SERPINB11: variants seen among roughly 807,000 people sequenced by gnomAD.
The protein encoded by SERPINB11 is serpin B11.
Under a neutral mutation model 36.7 loss-of-function variants are expected in SERPINB11, and 32 were observed. That is an observed-to-expected ratio of 0.87 (90% CI 0.66 to 1.17). SERPINB11 has a LOEUF of 1.17. Ranked by LOEUF, SERPINB11 falls within the 50% of genes most tolerant of loss-of-function variation. The pLI is 0.00. For missense variants in SERPINB11, 528 were observed against 458.4 expected (o/e 1.15, Z -1.39); for synonymous variants, 174 against 168.1 (o/e 1.04, Z -0.27).
intron 1 of SERPINB11, among the ~76,000 whole-genome samples, chr18:63,708,449 T>C (rs6567383): frequency 0.43 from 64,739 of 151,916 alleles, 14,781 homozygotes; most frequent in Non-Finnish European, 0.53. Context: ...TTTCCAAAGA[T>C]GGGGAAAACA....
intron 1 of SERPINB11, chr18:63,705,903 T>C (rs1914360670): frequency 6.6e-6 from 1 of 152,224 alleles, no homozygotes; most frequent in Admixed American, 6.5e-5. Flanking sequence ...CTTTCATTAT[T>C]AAAGTAACTA....
At chr18:63,711,833 A>G (rs1177726944) in intron 3 of SERPINB11, among the ~76,000 whole-genome samples, 2 of 152,278 alleles carry the variant, frequency 1.3e-5, no homozygotes, top group Admixed American at 1.3e-4. Flanking sequence ...CAGTAGAAGG[A>G]TTCATTTTGA....
At chr18:63,703,818 A>G (rs531380873) in intron 1 of SERPINB11, among the ~76,000 whole-genome samples, 1 of 152,242 alleles carries the variant, frequency 6.6e-6, no homozygotes, top group Non-Finnish European at 1.5e-5. Flanking sequence ...TTCAGATAAG[A>G]TAAGATGTGT....
At position 63,723,147 on chromosome 18, in the gene SERPINB11, C is replaced by G. The variant is rs117415609; in HGVS notation, c.927C>G (p.Leu309=). 12,558 of 1,611,452 alleles carry G rather than the reference C, an allele frequency of 7.8e-3. 82 individuals are homozygous for G. The highest frequency in any genetic ancestry group is 0.014 in the Middle Eastern group (82 of 6,058). ...TAAAATCTCTAGGGGTGACAGATCT[C>G]TTCAACCAGGTCAAAGCTGATCTTT... ...SLLKSLGVTD[L]FNQVKADLSG... Residue 309 remains leucine (L), a synonymous_variant, in exon 8 of 8, where the codon CTC becomes CTG. Coordinates refer to ENST00000544088, the MANE Select transcript of SERPINB11 (RefSeq NM_001370475.1).
chr18:63,702,751 C>T (rs772729065), upstream of SERPINB11: 1 of 152,074 alleles, frequency 6.6e-6, no homozygotes. Flanking sequence ...CCTCAAGTAA[C>T]CCTCCCACCT....
intron 2 of SERPINB11, among the ~76,000 whole-genome samples, chr18:63,710,706 T>C (rs1280354821): frequency 4.6e-5 from 7 of 152,202 alleles, no homozygotes; most frequent in East Asian, 1.9e-4. Flanking sequence ...ATAAACATAA[T>C]GCTATTTTAG....
intron 1 of SERPINB11, among the ~76,000 whole-genome samples, chr18:63,703,434 TCA>T (rs1238625437): frequency 1.3e-5 from 2 of 152,240 alleles, no homozygotes; most frequent in African/African-American, 4.8e-5. Context: ...TTTCTGCCTC[TCA>T]GTTTCCTCTT....
intron 5 of SERPINB11, among the ~76,000 whole-genome samples, chr18:63,718,584 T>C (rs1443129928): frequency 6.6e-6 from 1 of 152,088 alleles, no homozygotes; most frequent in Admixed American, 6.6e-5. Context: ...GTTGTTGATG[T>C]ATAAGTATAT....
intron 5 of SERPINB11, among the ~76,000 whole-genome samples, chr18:63,717,976 AT>A (rs1914711994): frequency 6.6e-6 from 1 of 152,016 alleles, no homozygotes; most frequent in African/African-American, 2.4e-5. Context: ...TTATTGTTTT[AT>A]TAAAGTCAGG....
chr18:63,710,479 A>G (rs1914494289), intron 2 of SERPINB11, 118 bp downstream of exon 2: 3 of 725,658 alleles, frequency 4.1e-6, no homozygotes, highest in Admixed American at 6.7e-5. Flanking sequence ...GAGAGAAAAA[A>G]CACATTGAAT....
chr18:63,709,616 T>TAAATAAAATATA (rs1555687761), intron 1 of SERPINB11, among the ~76,000 whole-genome samples: 1 of 143,450 alleles, frequency 7.0e-6, no homozygotes, highest in Non-Finnish European at 1.5e-5. Flanking sequence ...GTCTCAAAAA[T>TAAATAAAATATA]AAATAAAATA....
intron 4 of SERPINB11, among the ~76,000 whole-genome samples, chr18:63,714,389 C>T (rs1490732736): frequency 1.3e-5 from 2 of 152,088 alleles, no homozygotes; most frequent in African/African-American, 4.8e-5. Flanking sequence ...AATATCTTAT[C>T]AGGAGGCAGG....
chr18:63,720,783 T>G (rs1235225858), intron 6 of SERPINB11, 48 bp from the exon 7 acceptor site: 1 of 1,375,120 alleles, frequency 7.3e-7, no homozygotes, highest in Non-Finnish European at 1.0e-6. Flanking sequence ...TACACACACA[T>G]GTGCACTCAC....
intron 4 of SERPINB11, among the ~76,000 whole-genome samples, 179 bp downstream of exon 4, chr18:63,712,872 A>C (rs946384403): frequency 6.6e-6 from 1 of 152,254 alleles, no homozygotes. Flanking sequence ...GTTCCCAAAT[A>C]TCACATAAAA....
At chr18:63,708,962 G>C (rs1043334524) in intron 1 of SERPINB11, among the ~76,000 whole-genome samples, 1 of 152,212 alleles carries the variant, frequency 6.6e-6, no homozygotes, top group Non-Finnish European at 1.5e-5. Flanking sequence ...TTAAAGGAAG[G>C]AAGTGTTTGA....
chr18:63,720,801 A>C (rs1598968433), intron 6 of SERPINB11, 30 bp from the exon 7 acceptor site: 1 of 1,493,206 alleles, frequency 6.7e-7, no homozygotes, highest in Non-Finnish European at 9.1e-7. Flanking sequence ...CACATATGTA[A>C]GTATACTATA....
chr18:63,715,854 G>A (rs1204155780), intron 4 of SERPINB11, among the ~76,000 whole-genome samples, 181 bp from the exon 5 acceptor site: 2 of 152,212 alleles, frequency 1.3e-5, no homozygotes, highest in Non-Finnish European at 1.5e-5. Context: ...AAGGGTTTCA[G>A]ATTTTGTTAA....
intron 3 of SERPINB11, among the ~76,000 whole-genome samples, chr18:63,712,023 T>C (rs1360840993): frequency 1.3e-5 from 2 of 152,186 alleles, no homozygotes; most frequent in African/African-American, 2.4e-5. Flanking sequence ...TTAGGGAATA[T>C]AGGAATATTG....
rs765079358 is a variant in SERPINB11, at chr18:63,711,372, C to T, written c.206C>T (p.Pro69Leu). The T allele has an allele frequency of 3.1e-6, 5 of 1,610,308 alleles. No homozygotes were observed. In the South Asian group the frequency reaches 5.5e-5, roughly 18 times the overall value. Residue 69 changes from proline (P) to leucine (L), a missense_variant, in exon 3 of 8, where the codon CCA becomes CTA. Coordinates refer to ENST00000544088, the MANE Select transcript of SERPINB11 (RefSeq NM_001370475.1). ...AGTCATACTGTAGACTCATTAAAACCAGGGTTCAAGGACTCACCTAAGGTA... is the reference window on the plus strand; with the variant it reads ...AGTCATACTGTAGACTCATTAAAACTAGGGTTCAAGGACTCACCTAAGGTA... ...HFSHTVDSLK[P>L]GFKDSPKCSQ...
Sources: gnomAD v4.1 joint callset for allele counts (sites outside exome capture counted in the v4.1 genomes callset) on GRCh38, gnomAD v4.1.1 for gene constraint, MANE v1.5 for transcripts, NCBI Gene and HGNC (gene_info 2026-07-23, HGNC 2026-07-21) for gene names.